The following ADGRL1 variants were observed in gnomAD, a reference collection of about 807,000 sequenced individuals.
The protein encoded by ADGRL1 is adhesion G protein-coupled receptor L1, also known as CIRL-1.
ADGRL1 carries 31 observed loss-of-function variants against 148.9 expected under a neutral mutation model. That is an observed-to-expected ratio of 0.21 (90% confidence interval 0.16 to 0.28). The LOEUF is 0.28. Ranked by LOEUF, ADGRL1 falls within the 10% of genes least tolerant of loss-of-function variation. The probability of loss-of-function intolerance (pLI) is 1.00; values close to 1 mark genes in which losing one functional copy is unlikely to be tolerated. For synonymous variants in ADGRL1, 937 were observed against 900.3 expected, an observed-to-expected ratio of 1.04 and a Z score of -0.73; for missense variants, 1,521 against 2,058.8, an observed-to-expected ratio of 0.74 and a Z score of 5.05.
chr19:14,199,999 G>A (rs533377169), intron 1 of ADGRL1, among the ~76,000 whole-genome samples: 1 of 152,202 alleles, frequency 6.6e-6, no homozygotes, highest in Admixed American at 6.5e-5. Context: ...CTTCCAAAGT[G>A]CTGGGATTAC....
At chr19:14,185,459 A>T (rs1971524043) in intron 1 of ADGRL1, among the ~76,000 whole-genome samples, 1 of 152,064 alleles carries the variant, frequency 6.6e-6, no homozygotes, top group Non-Finnish European at 1.5e-5. Context: ...ACGCCCAGCT[A>T]ATTTTAAAAT....
intron 4 of ADGRL1, chr19:14,167,070 A>G: frequency 6.4e-7 from 1 of 1,560,790 alleles, no homozygotes; most frequent in Non-Finnish European, 8.8e-7. Context: ...AACAAATTGA[A>G]AAAAAAAATG....
intron 1 of ADGRL1, among the ~76,000 whole-genome samples, chr19:14,200,704 C>T (rs539836573): frequency 6.6e-6 from 1 of 152,188 alleles, no homozygotes; most frequent in African/African-American, 2.4e-5. Context: ...CCTTGACCTC[C>T]CAGCTCAAGT....
At position 14,160,399 on chromosome 19, in the gene ADGRL1, C is replaced by G. The variant is rs1969234034; in HGVS notation, c.1615-102G>C. The G allele has an allele frequency of 2.6e-6, 3 of 1,145,736 alleles. No homozygotes were observed. The highest frequency in any genetic ancestry group is 3.1e-5 in the African/African-American group (2 of 64,322). The allele number at this position is 1,145,736 out of a possible 1,614,324, so 71.0% of individuals were successfully genotyped here. Reference sequence around the variant, plus strand: ...TGTGCAGCCTCTCCTATCTCTCTCTCCACTTCCCCATCGCCATCTGCCCCT... The same window carrying G: ...TGTGCAGCCTCTCCTATCTCTCTCTGCACTTCCCCATCGCCATCTGCCCCT... On this transcript the variant is annotated intron_variant, in intron 7 of 22. Coordinates refer to ENST00000361434, the MANE Select transcript of ADGRL1 (RefSeq NM_014921.5). This position sits in a 1 kb window ranked among gnomAD's most constrained non-coding sequence, Gnocchi z 5.9.
Position 14,150,790 on chromosome 19 carries a change from C to A in ADGRL1, c.*83G>T. ...AGAGTGGCCCACCAGCCACTGCCTC[C>A]ATCTGTCTCCCTCTCCCACCAGAGC... On this transcript the variant is annotated 3_prime_UTR_variant, in exon 23 of 23. Transcript: ENST00000361434. The A allele has an allele frequency of 6.6e-7, 1 of 1,508,016 alleles. No homozygotes were observed. The highest frequency in any genetic ancestry group is 8.9e-7 in the Non-Finnish European group (1 of 1,117,534). 93.4% of individuals were successfully genotyped at this position (1,508,016 alleles called of 1,614,324 possible).
At chr19:14,195,607 C>A (rs907720738) in intron 1 of ADGRL1, among the ~76,000 whole-genome samples, 1 of 152,148 alleles carries the variant, frequency 6.6e-6, no homozygotes, top group Admixed American at 6.6e-5. Flanking sequence ...CCAAACCCAG[C>A]CGCCCATGAG....
intron 1 of ADGRL1, among the ~76,000 whole-genome samples, chr19:14,200,094 A>G (rs866059908): frequency 7.2e-5 from 11 of 152,362 alleles, no homozygotes; most frequent in Middle Eastern, 3.4e-3. Flanking sequence ...ATGACATTTC[A>G]GCAAACCCCT....
At chr19:14,181,634 C>T (rs1421634223) in intron 2 of ADGRL1, among the ~76,000 whole-genome samples, 4 of 151,886 alleles carry the variant, frequency 2.6e-5, no homozygotes, top group African/African-American at 4.8e-5. Flanking sequence ...GCAGGAGAAT[C>T]GCTTGAACCC....
chr19:14,182,190 C>T (rs567695856), intron 2 of ADGRL1, among the ~76,000 whole-genome samples: 1 of 152,290 alleles, frequency 6.6e-6, no homozygotes, highest in South Asian at 2.1e-4. Context: ...GTTGTGATGG[C>T]TCCAGGGTGT....
chr19:14,179,854 G>A (rs1444553695), intron 2 of ADGRL1, among the ~76,000 whole-genome samples: 2 of 151,914 alleles, frequency 1.3e-5, no homozygotes, highest in African/African-American at 4.8e-5. Flanking sequence ...AGGTTGCAGT[G>A]ATGGCATGCA....
Position 14,151,233 on chromosome 19 carries a change from C to G in ADGRL1, c.4050G>C (p.Gln1350His). The G allele has an allele frequency of 6.2e-7, 1 of 1,612,094 alleles. No homozygotes were observed. Among genetic ancestry groups the G allele is most frequent in the South Asian group, 1.1e-5 (1 of 91,078 alleles). The change falls in exon 23 of 23, where the codon CAG becomes CAC. Residue 1350 changes from glutamine (Q) to histidine (H), a missense_variant. Physicochemically the swap from Gln to His is conservative, Grantham distance 24. Coordinates refer to ENST00000361434, the MANE Select transcript of ADGRL1 (RefSeq NM_014921.5). ...AGCTCTCCGACTCGTCCAGATCGCT[C>G]TGGTACAGCACCGACTGGGCCCGGG... ...LLPRAQSVLY[Q>H]SDLDESESCT...
At chr19:14,185,847 C>T (rs1971542947) in intron 1 of ADGRL1, among the ~76,000 whole-genome samples, 7 of 152,260 alleles carry the variant, frequency 4.6e-5, no homozygotes, top group Admixed American at 3.9e-4. Context: ...CCAGCCACTC[C>T]TGCTATTCCT....
At chr19:14,185,063 G>C (rs1246307966) in intron 1 of ADGRL1, among the ~76,000 whole-genome samples, 2 of 152,068 alleles carry the variant, frequency 1.3e-5, no homozygotes. Flanking sequence ...GATTACAGGA[G>C]TGAGCCACTG....
At chr19:14,163,467 A>AGAGG (rs1555785188) in intron 4 of ADGRL1, 61 bp from the exon 5 acceptor site, 326 of 176,664 alleles carry the variant, frequency 1.8e-3, no homozygotes, top group African/African-American at 0.012. Context: ...GAGAGGGAGG[A>AGAGG]GAGAGAGAGA....
intron 11 of ADGRL1, among the ~76,000 whole-genome samples, chr19:14,158,868 T>C (rs1172349180): frequency 6.6e-6 from 1 of 152,184 alleles, no homozygotes; most frequent in African/African-American, 2.4e-5. Flanking sequence ...AATGGCCCCA[T>C]CCTCTCTGAG....
chr19:14,161,427 C>A lies in ADGRL1; in HGVS notation c.1395G>T (p.Pro465=). The A allele has an allele frequency of 1.3e-6, 2 of 1,487,192 alleles. No homozygotes were observed. Among genetic ancestry groups the A allele is most frequent in the South Asian group, 1.3e-5 (1 of 76,108 alleles). The allele number at this position is 1,487,192 out of a possible 1,614,324, so 92.1% of individuals were successfully genotyped here. A position where few individuals can be genotyped will look rare whatever the true frequency, so the allele number is the denominator to read the frequency against. Reference sequence around the variant, plus strand: ...AGAGCTCAGGGGACACGTGTAGATTCGGGGCTGGGGGCCGCCGGGTGCTGG... The same window carrying A: ...AGAGCTCAGGGGACACGTGTAGATTAGGGGCTGGGGGCCGCCGGGTGCTGG... ...PVPSTRRPPA[P]NLHVSPELFC... is the part of the protein sequence containing the mutation. The change falls in exon 6 of 23, where the codon CCG becomes CCT. Residue 465 remains proline, a synonymous_variant. Coordinates refer to ENST00000361434, the MANE Select transcript of ADGRL1 (RefSeq NM_014921.5). This position sits in a 1 kb window ranked among gnomAD's most constrained non-coding sequence, Gnocchi z 4.4.
Position 14,161,253 on chromosome 19 carries a change from T to C in ADGRL1, c.1510+59A>G. The C allele has an allele frequency of 6.8e-7, 1 of 1,463,826 alleles. No individual in the cohort carries two copies. Among genetic ancestry groups the C allele is most frequent in the Non-Finnish European group, 9.0e-7 (1 of 1,105,406 alleles). 90.7% of individuals were successfully genotyped at this position (1,463,826 alleles called of 1,614,324 possible). A position where few individuals can be genotyped will look rare whatever the true frequency, so the allele number is the denominator to read the frequency against. ...AGACCCCCACCCACACATGCATCTG[T>C]GCTAAGCTGCTGGGGGCATGGCCCC... On this transcript the variant is annotated intron_variant, in intron 6 of 22. Transcript: ENST00000361434. The surrounding 1 kb of genome is among the most constrained non-coding windows in gnomAD (Gnocchi z 4.4).
At chr19:14,170,385 C>A (rs574273787) in intron 4 of ADGRL1, 52 of 261,794 alleles carry the variant, frequency 2.0e-4, no homozygotes, top group African/African-American at 1.2e-3. Flanking sequence ...CATGGCCTGG[C>A]AGTGTGGAAA....
intron 16 of ADGRL1, 81 bp downstream of exon 16, chr19:14,156,577 G>C: frequency 1.1e-6 from 1 of 877,178 alleles, no homozygotes; most frequent in Non-Finnish European, 1.7e-6. Flanking sequence ...GGGGGGGGTG[G>C]GGGGCGGGGG....
Sources: gnomAD v4.1 joint callset for allele counts (sites outside exome capture counted in the v4.1 genomes callset) on GRCh38, gnomAD v4.1.1 for gene constraint, Gnocchi (gnomAD v3.1) non-coding constraint, MANE v1.5 for transcripts, NCBI Gene and HGNC (gene_info 2026-07-23, HGNC 2026-07-21) for gene names.